RABGAP1L: variants seen among roughly 807,000 people sequenced by gnomAD.
RABGAP1L encodes rab GTPase-activating protein 1-like.
RABGAP1L carries 63 observed loss-of-function variants against 137.7 expected under a neutral mutation model. The observed-to-expected ratio is 0.46, with a 90% CI of 0.37 to 0.56. The LOEUF (loss-of-function observed/expected upper bound fraction) is 0.56, where lower values mean the gene tolerates loss of function less well. RABGAP1L is among the 20% of genes least tolerant of loss of function. The probability of loss-of-function intolerance (pLI) is 0.00; values close to 1 mark genes in which losing one functional copy is unlikely to be tolerated. For synonymous variants in RABGAP1L, 431 were observed against 433.7 expected (o/e 0.99, Z 0.08); for missense variants, 1,095 against 1,244.0 (o/e 0.88, Z 1.80).
intron 1 of RABGAP1L, among the ~76,000 whole-genome samples, chr1:174,195,746 T>A: frequency 7.4e-6 from 1 of 135,962 alleles, no homozygotes; most frequent in Non-Finnish European, 1.6e-5. Context: ...TTTCTTTCTT[T>A]CTTTCTCTCT....
intron 13 of RABGAP1L, among the ~76,000 whole-genome samples, chr1:174,413,213 A>G (rs1164636298): frequency 6.6e-6 from 1 of 152,134 alleles, no homozygotes; most frequent in African/African-American, 2.4e-5. Context: ...ACTGGTCTTC[A>G]GGCTCTGAGA....
intron 13 of RABGAP1L, among the ~76,000 whole-genome samples, chr1:174,550,921 C>CACATATACACATAT (rs1467484298): frequency 1.1e-4 from 10 of 90,956 alleles, no homozygotes; most frequent in African/African-American, 5.8e-4. Context: ...CACACACACA[C>CACATATACACATAT]ATATATATAT....
intron 19 of RABGAP1L, among the ~76,000 whole-genome samples, chr1:174,924,729 G>C (rs929663186): frequency 2.0e-5 from 3 of 152,110 alleles, no homozygotes; most frequent in African/African-American, 7.2e-5. Context: ...AACTTATGAT[G>C]ACCTTCCTTA....
intron 13 of RABGAP1L, among the ~76,000 whole-genome samples, chr1:174,539,206 T>A (rs1289586159): frequency 1.3e-5 from 2 of 152,080 alleles, no homozygotes; most frequent in Non-Finnish European, 2.9e-5. Flanking sequence ...TAGTTGGAGG[T>A]TAAACTTAGT....
chr1:174,320,770 A>G (rs1679890404), intron 11 of RABGAP1L, among the ~76,000 whole-genome samples: 1 of 152,142 alleles, frequency 6.6e-6, no homozygotes, highest in South Asian at 2.1e-4. Context: ...TCATCTTCGT[A>G]AGCTGAGGGT....
At position 174,640,911 on chromosome 1, in the gene RABGAP1L, CT is replaced by C. The variant is rs974371695; in HGVS notation, c.1824+3432del. On this transcript the variant is annotated intron_variant, in intron 14 of 25. Coordinates refer to ENST00000681986, the MANE Select transcript of RABGAP1L (RefSeq NM_001366446.1). ...TCACATCAGCAACACAATTGTAGGC[CT>C]TTTTTTTTAAAATAGTGTTTTCTAT... 4.5e-4 allele frequency among the ~76,000 whole-genome samples: 65 copies of C among 145,048 alleles called. No homozygotes were observed. The South Asian group carries it at 6.3e-3, about 14-fold the overall frequency.
At chr1:174,650,671 G>T (rs963766640) in intron 14 of RABGAP1L, among the ~76,000 whole-genome samples, 44 of 151,228 alleles carry the variant, frequency 2.9e-4, no homozygotes, top group Non-Finnish European at 4.4e-4. Context: ...CTGTGGGATC[G>T]GTGGTGATAT....
chr1:174,778,647 T>A (rs1686721415), intron 18 of RABGAP1L, among the ~76,000 whole-genome samples: 1 of 151,824 alleles, frequency 6.6e-6, no homozygotes, highest in South Asian at 2.1e-4. Context: ...GAGGCTGGAG[T>A]GTAATGGCGT....
At chr1:174,733,790 G>A (rs745751898) in intron 17 of RABGAP1L, among the ~76,000 whole-genome samples, 1 of 152,128 alleles carries the variant, frequency 6.6e-6, no homozygotes, top group Non-Finnish European at 1.5e-5. Flanking sequence ...GGATCACTCC[G>A]GCTACTGTCA....
intron 19 of RABGAP1L, among the ~76,000 whole-genome samples, chr1:174,928,625 T>C (rs1174765439): frequency 2.0e-5 from 3 of 152,148 alleles, no homozygotes; most frequent in African/African-American, 7.2e-5. Context: ...GAAATGATTC[T>C]AATGATTGTC....
At chr1:174,607,929 A>C (rs764752794) in intron 13 of RABGAP1L, among the ~76,000 whole-genome samples, 1 of 152,236 alleles carries the variant, frequency 6.6e-6, no homozygotes, top group Non-Finnish European at 1.5e-5. Flanking sequence ...GGTTACCTCC[A>C]AGCAACCCTT....
intron 13 of RABGAP1L, among the ~76,000 whole-genome samples, chr1:174,502,626 A>G (rs1234350853): frequency 1.4e-5 from 2 of 138,158 alleles, no homozygotes; most frequent in Admixed American, 7.3e-5. Flanking sequence ...ATATATGTAC[A>G]TATATATGTG....
chr1:174,679,819 G>T (rs1677914333), intron 14 of RABGAP1L, among the ~76,000 whole-genome samples: 1 of 152,164 alleles, frequency 6.6e-6, no homozygotes, highest in African/African-American at 2.4e-5. Context: ...TGGGAAGACA[G>T]TAAATTAATT....
intron 1 of RABGAP1L, among the ~76,000 whole-genome samples, chr1:174,172,092 T>G (rs75402546): frequency 0.12 from 17,649 of 151,696 alleles, 1,360 homozygotes; most frequent in South Asian, 0.17. Context: ...TTATTTCATT[T>G]AACATAGTGT....
At chr1:174,349,912 ACCC>A (rs556375925) in intron 11 of RABGAP1L, among the ~76,000 whole-genome samples, 1 of 64,966 alleles carries the variant, frequency 1.5e-5, no homozygotes, top group Non-Finnish European at 3.1e-5. Context: ...TGGGGGGCTG[ACCC>A]CCCCCCACCT....
At chr1:174,342,174 ATTAACATT>A (rs1398406178) in intron 11 of RABGAP1L, among the ~76,000 whole-genome samples, 1 of 152,190 alleles carries the variant, frequency 6.6e-6, no homozygotes, top group African/African-American at 2.4e-5. Flanking sequence ...CATATTAAAC[ATTAACATT>A]TTAACATTTT....
At chr1:174,831,319 C>A (rs1692092311) in intron 19 of RABGAP1L, among the ~76,000 whole-genome samples, 1 of 148,142 alleles carries the variant, frequency 6.8e-6, no homozygotes, top group Non-Finnish European at 1.5e-5. Flanking sequence ...GATACAGCAG[C>A]AGCTGACCTT....
rs10556099 is a variant in RABGAP1L at position 174,981,550 on chromosome 1, C to CTTTTTTTTTTTTTTTT, written c.2734-1268_2734-1253dup. ...AATTTCACATCCCCTGTTTTTCCAT[C>CTTTTTTTTTTTTTTTT]TTTTTTTTTTTTTTTTTTTTTTTTT... On this transcript the variant is annotated intron_variant, in intron 23 of 25. Coordinates refer to ENST00000681986, the MANE Select transcript of RABGAP1L (RefSeq NM_001366446.1). Among the ~76,000 whole-genome samples, 78 of 66,432 alleles carry CTTTTTTTTTTTTTTTT rather than the reference C, an allele frequency of 1.2e-3. 11 individuals are homozygous for CTTTTTTTTTTTTTTTT. Among genetic ancestry groups the CTTTTTTTTTTTTTTTT allele is most frequent in the East Asian group, 2.0e-3 (3 of 1,486 alleles). 43.6% of individuals were successfully genotyped at this position (66,432 alleles called of 152,430 possible).
chr1:174,322,488 A>G (rs1680083644), intron 11 of RABGAP1L, among the ~76,000 whole-genome samples: 1 of 152,162 alleles, frequency 6.6e-6, no homozygotes, highest in South Asian at 2.1e-4. Context: ...TGTTGTTGGA[A>G]AGTAACATCA....
Sources: gnomAD v4.1 joint callset for allele counts (sites outside exome capture counted in the v4.1 genomes callset) on GRCh38, gnomAD v4.1.1 for gene constraint, MANE v1.5 for transcripts, NCBI Gene and HGNC (gene_info 2026-07-23, HGNC 2026-07-21) for gene names.